CCDC138: variants seen among roughly 807,000 people sequenced by gnomAD.
CCDC138 encodes coiled-coil domain-containing protein 138.
CCDC138 carries 66 observed loss-of-function variants against 82.3 expected under a neutral mutation model. The ratio of observed to expected loss-of-function variants is 0.80; its 90% confidence interval spans 0.66 to 0.98. The LOEUF (loss-of-function observed/expected upper bound fraction) is 0.98, where lower values mean the gene tolerates loss of function less well. CCDC138 is among the 50% of genes least tolerant of loss of function. The pLI is 0.00. For synonymous variants in CCDC138, 297 were observed against 265.4 expected, an observed-to-expected ratio of 1.12 and a Z score of -1.16; for missense variants, 816 against 758.9, an observed-to-expected ratio of 1.08 and a Z score of -0.88.
At chr2:108,802,036 G>A (rs1682003441) in intron 6 of CCDC138, among the ~76,000 whole-genome samples, 1 of 138,682 alleles carries the variant, frequency 7.2e-6, no homozygotes, top group Admixed American at 7.6e-5. Flanking sequence ...CTGTAGCCTT[G>A]TAGTATAGTT....
intron 10 of CCDC138, among the ~76,000 whole-genome samples, chr2:108,817,978 G>A (rs1015859164): frequency 3.9e-5 from 6 of 152,216 alleles, no homozygotes; most frequent in Admixed American, 2.0e-4. Flanking sequence ...AAGGCCTGCC[G>A]TATTAAAGTT....
chr2:108,824,587 T>C (rs1373019622), intron 10 of CCDC138, among the ~76,000 whole-genome samples: 1 of 152,238 alleles, frequency 6.6e-6, no homozygotes, highest in Non-Finnish European at 1.5e-5. Flanking sequence ...GAGGCTGTTT[T>C]ACATTTAACT....
At chr2:108,843,074 C>G (rs958398064) in intron 11 of CCDC138, among the ~76,000 whole-genome samples, 20 of 151,928 alleles carry the variant, frequency 1.3e-4, no homozygotes, top group African/African-American at 4.9e-4. Flanking sequence ...GTTCTTCTCT[C>G]CTTCCAGATG....
In CCDC138 at chr2:108,824,406, C is replaced by T. The variant is rs559825867; in HGVS notation, c.1206+8301C>T. Among the ~76,000 whole-genome samples the T allele has an allele frequency of 2.6e-5, 4 of 152,146 alleles. No homozygotes were observed. The East Asian group carries it at 7.7e-4, about 29-fold the overall frequency. Reference sequence around the variant, plus strand: ...GACTATTCTGTTAAAAACTAAGACACAAACGCACATGTTAGCTTAGGCTTA... The same window carrying T: ...GACTATTCTGTTAAAAACTAAGACATAAACGCACATGTTAGCTTAGGCTTA... On this transcript the variant is annotated intron_variant, in intron 10 of 14. Coordinates refer to ENST00000295124, the MANE Select transcript of CCDC138 (RefSeq NM_144978.3).
In CCDC138 at chr2:108,822,644, A is replaced by G. The variant is rs375875462; in HGVS notation, c.1206+6539A>G. Among the ~76,000 whole-genome samples, 18 of 152,364 alleles carry G rather than the reference A, an allele frequency of 1.2e-4. No individual in the cohort carries two copies. In the South Asian group the frequency reaches 3.7e-3, roughly 32 times the overall value. On this transcript the variant is annotated intron_variant, in intron 10 of 14. Coordinates refer to ENST00000295124, the MANE Select transcript of CCDC138 (RefSeq NM_144978.3). ...AAGTGAAACCTCAAACCAAGGAAGG[A>G]TAACTATAAAATCCACAAATATGTG...
chr2:108,882,155 A>G (rs79627228), intron 1 of CCDC138: 1 of 147,352 alleles, frequency 6.8e-6, no homozygotes, highest in African/African-American at 2.5e-5. Context: ...CCCTGTCTCA[A>G]AAAAAAAAAA....
intron 12 of CCDC138, among the ~76,000 whole-genome samples, chr2:108,847,688 T>C (rs1690722284): frequency 6.6e-6 from 1 of 152,220 alleles, no homozygotes; most frequent in Admixed American, 6.5e-5. Flanking sequence ...TATACCATCT[T>C]TCTGTCTTCC....
downstream of CCDC138, among the ~76,000 whole-genome samples, chr2:108,880,077 A>G (rs1311697569): frequency 6.6e-6 from 1 of 152,176 alleles, no homozygotes. Context: ...CCAAAGCAAA[A>G]GAAAACATTT....
chr2:108,854,077 TATA>T (rs1212430223), intron 12 of CCDC138, among the ~76,000 whole-genome samples: 15 of 130,720 alleles, frequency 1.1e-4, no homozygotes, highest in Non-Finnish European at 1.7e-4. Flanking sequence ...TTATATATAA[TATA>T]ATAAATTTAT....
chr2:108,808,550 T>A lies in CCDC138; in HGVS notation c.855+3542T>A, dbSNP rs372261712. Among the ~76,000 whole-genome samples the A allele has an allele frequency of 2.6e-5, 4 of 152,338 alleles. No individual in the cohort carries two copies. In the East Asian group the frequency reaches 7.7e-4, roughly 29 times the overall value. The stretch of plus-strand genomic sequence containing the variant: ...TACTTTTTGTCTTTTTCATAGCCTT[T>A]CTAACTGGGATGAGATTGATACCTG... On this transcript the variant is annotated intron_variant, in intron 7 of 14. Coordinates refer to ENST00000295124, the MANE Select transcript of CCDC138 (RefSeq NM_144978.3).
At chr2:108,824,572 T>G (rs1309904523) in intron 10 of CCDC138, among the ~76,000 whole-genome samples, 1 of 152,206 alleles carries the variant, frequency 6.6e-6, no homozygotes, top group Non-Finnish European at 1.5e-5. Context: ...CTGAAGGACC[T>G]GCCTGAGGCT....
intron 12 of CCDC138, among the ~76,000 whole-genome samples, chr2:108,853,916 A>G (rs1350942593): frequency 8.2e-6 from 1 of 122,034 alleles, no homozygotes. Context: ...ATTATATAGT[A>G]TATATATTAT....
At chr2:108,857,936 A>G (rs370526044) in intron 13 of CCDC138, among the ~76,000 whole-genome samples, 3 of 152,258 alleles carry the variant, frequency 2.0e-5, no homozygotes, top group Admixed American at 6.5e-5. Context: ...ATTTTATGAA[A>G]TAGTTGACCT....
rs533199751 is a variant in CCDC138, at chr2:108,855,570, A to G, written c.1517-1224A>G. On this transcript the variant is annotated intron_variant, in intron 12 of 14. Coordinates refer to ENST00000295124, the MANE Select transcript of CCDC138 (RefSeq NM_144978.3). ...AGCAACTTTGTTTAACTTAATACACATTTATTTACAATGTTTTTTTAAACC... is the reference window on the plus strand; with the variant it reads ...AGCAACTTTGTTTAACTTAATACACGTTTATTTACAATGTTTTTTTAAACC... Among the ~76,000 whole-genome samples, 5 of 152,264 alleles carry G rather than the reference A, an allele frequency of 3.3e-5. No homozygotes were observed. The South Asian group carries it at 6.2e-4, about 19-fold the overall frequency.
intron 5 of CCDC138, among the ~76,000 whole-genome samples, chr2:108,796,339 C>T (rs1019332646): frequency 2.0e-5 from 3 of 152,162 alleles, no homozygotes; most frequent in African/African-American, 7.2e-5. Flanking sequence ...CAGGCGTGAG[C>T]CACCGCGCCT....
At chr2:108,870,223 A>G (rs886482864) in intron 13 of CCDC138, among the ~76,000 whole-genome samples, 2 of 152,228 alleles carry the variant, frequency 1.3e-5, no homozygotes, top group African/African-American at 4.8e-5. Flanking sequence ...GAATTGAAAA[A>G]TTTACTAGAA....
intron 12 of CCDC138, among the ~76,000 whole-genome samples, chr2:108,854,965 C>T (rs1336303192): frequency 2.6e-5 from 4 of 152,122 alleles, no homozygotes; most frequent in Non-Finnish European, 5.9e-5. Flanking sequence ...ATATTTCATA[C>T]TGATTAAGAT....
intron 10 of CCDC138, among the ~76,000 whole-genome samples, chr2:108,821,654 G>A (rs1241785930): frequency 6.6e-6 from 1 of 152,042 alleles, no homozygotes; most frequent in African/African-American, 2.4e-5. Flanking sequence ...GTAATAGTAT[G>A]TCCTTCCTGG....
intron 10 of CCDC138, among the ~76,000 whole-genome samples, chr2:108,830,777 C>T (rs866080442): frequency 6.6e-6 from 1 of 151,776 alleles, no homozygotes; most frequent in South Asian, 2.1e-4. Context: ...CATTGCACTC[C>T]AGCCTGGGCA....
Sources: gnomAD v4.1 joint callset for allele counts (sites outside exome capture counted in the v4.1 genomes callset) on GRCh38, gnomAD v4.1.1 for gene constraint, MANE v1.5 for transcripts, NCBI Gene and HGNC (gene_info 2026-07-23, HGNC 2026-07-21) for gene names.